ATG4B: variants seen among roughly 807,000 people sequenced by gnomAD.
The protein encoded by ATG4B is autophagy related 4B cysteine peptidase.
ATG4B carries 29 observed loss-of-function variants against 56.6 expected under a neutral mutation model. The observed-to-expected ratio is 0.51, with a 90% CI of 0.38 to 0.70. The LOEUF (loss-of-function observed/expected upper bound fraction) is 0.70. ATG4B is among the 30% of genes least tolerant of loss of function. The pLI is 0.00. For missense variants in ATG4B, 461 were observed against 515.5 expected, an observed-to-expected ratio of 0.89 and a Z score of 1.02; for synonymous variants, 224 against 206.1, an observed-to-expected ratio of 1.09 and a Z score of -0.74.
intron 1 of ATG4B, 73 bp downstream of exon 1, chr2:241,637,797 G>A (rs2067715916): frequency 1.4e-6 from 2 of 1,467,726 alleles, no homozygotes; most frequent in Non-Finnish European, 1.8e-6. Context: ...TGCTCGGGTC[G>A]GGCTGCCGCG....
intron 6 of ATG4B, among the ~76,000 whole-genome samples, chr2:241,656,754 G>C (rs756497764): frequency 1.8e-4 from 28 of 151,790 alleles, no homozygotes; most frequent in Non-Finnish European, 3.5e-4. Flanking sequence ...AGCCCGTGCT[G>C]GCCCCAGCCT....
chr2:241,647,975 A>G (rs1256196021), intron 1 of ATG4B, among the ~76,000 whole-genome samples: 1 of 152,086 alleles, frequency 6.6e-6, no homozygotes, highest in Non-Finnish European at 1.5e-5. Context: ...TTAGCCGGGC[A>G]TGGTGGCAGA....
At chr2:241,658,263 A>G (rs905064455) in intron 6 of ATG4B, among the ~76,000 whole-genome samples, 1 of 146,596 alleles carries the variant, frequency 6.8e-6, no homozygotes, top group African/African-American at 2.6e-5. Flanking sequence ...CTGTCCTCCC[A>G]TCTTCAGCAC....
At chr2:241,654,213 G>A (rs1157188715) in intron 4 of ATG4B, among the ~76,000 whole-genome samples, 1 of 151,902 alleles carries the variant, frequency 6.6e-6, no homozygotes, top group Non-Finnish European at 1.5e-5. Context: ...ACGAGGTCAG[G>A]AGATCAAGAC....
intron 7 of ATG4B, among the ~76,000 whole-genome samples, chr2:241,662,451 A>G (rs2068618122): frequency 6.6e-6 from 1 of 152,232 alleles, no homozygotes; most frequent in Non-Finnish European, 1.5e-5. Context: ...AATGTGTTCA[A>G]AATATAAAGA....
rs571087011 is a variant in ATG4B at position 241,645,547 on chromosome 2, G to A, written c.11-5463G>A. On this transcript the variant is annotated intron_variant, in intron 1 of 12. Coordinates refer to ENST00000404914, the MANE Select transcript of ATG4B (RefSeq NM_013325.5). ...GTGGTTACTGCTCCCGTGCAGTTTA[G>A]AGCTTTTCCTGCACCTTGACTTGTC... 2.0e-5 allele frequency among the ~76,000 whole-genome samples: 3 copies of A among 152,314 alleles called. No individual in the cohort carries two copies. The South Asian group carries it at 6.2e-4, about 32-fold the overall frequency.
chr2:241,643,574 T>A (rs2067966770), intron 1 of ATG4B, among the ~76,000 whole-genome samples: 1 of 149,916 alleles, frequency 6.7e-6, no homozygotes, highest in Admixed American at 6.7e-5. Flanking sequence ...ATATATTTAT[T>A]TATGTATATA....
intron 1 of ATG4B, among the ~76,000 whole-genome samples, chr2:241,640,905 A>G (rs2067864740): frequency 6.6e-6 from 1 of 152,164 alleles, no homozygotes; most frequent in African/African-American, 2.4e-5. Flanking sequence ...ATGGCAGCTC[A>G]TAGTGAGGAC....
At chr2:241,655,513 A>G in intron 6 of ATG4B, 170 bp downstream of exon 6, 2 of 669,512 alleles carry the variant, frequency 3.0e-6, no homozygotes, top group Non-Finnish European at 2.5e-6. Flanking sequence ...GTGAATAGGA[A>G]TTTATGTTTT....
rs867949156 is a variant in ATG4B at position 241,668,008 on chromosome 2, G to A, written c.733-135G>A. On this transcript the variant is annotated intron_variant, in intron 8 of 12. Transcript: ENST00000404914. The surrounding 1 kb of genome is among the most constrained non-coding windows in gnomAD (Gnocchi z 4.2). ...TCTTTCCTGGACAGTAAGCTCTTTGGTACCATGTCCCCTCCTGTCCCCTCT... is the reference window on the plus strand; with the variant it reads ...TCTTTCCTGGACAGTAAGCTCTTTGATACCATGTCCCCTCCTGTCCCCTCT... 4.7e-5 allele frequency: 36 copies of A among 765,570 alleles called. No homozygotes were observed. The African/African-American group carries it at 4.7e-4, about 10-fold the overall frequency. 47.4% of individuals were successfully genotyped at this position (765,570 alleles called of 1,614,324 possible).
At chr2:241,648,248 A>G (rs1452611402) in intron 1 of ATG4B, among the ~76,000 whole-genome samples, 2 of 152,216 alleles carry the variant, frequency 1.3e-5, no homozygotes, top group Non-Finnish European at 2.9e-5. Flanking sequence ...ACAGTCACCA[A>G]GCAGTTTGGT....
intron 1 of ATG4B, among the ~76,000 whole-genome samples, chr2:241,643,624 A>G (rs1462416433): frequency 6.7e-6 from 1 of 149,608 alleles, no homozygotes; most frequent in Non-Finnish European, 1.5e-5. Context: ...GTATATATAC[A>G]CATAAATATA....
chr2:241,655,416 CTT>C, intron 6 of ATG4B, 73 bp downstream of exon 6: 2 of 1,445,414 alleles, frequency 1.4e-6, no homozygotes, highest in Non-Finnish European at 1.9e-6. Flanking sequence ...CTCCTTGAGT[CTT>C]CATGGCTACA....
chr2:241,666,584 T>C, intron 7 of ATG4B, 61 bp from the exon 8 acceptor site: 1 of 1,552,028 alleles, frequency 6.4e-7, no homozygotes. Flanking sequence ...TTTGCTTGCT[T>C]GTTGTGGGAG....
Position 241,672,461 on chromosome 2 carries a change from A to G in ATG4B, c.*197A>G. On this transcript the variant is annotated 3_prime_UTR_variant, in exon 13 of 13. Coordinates refer to ENST00000404914, the MANE Select transcript of ATG4B (RefSeq NM_013325.5). ...CTTGGTGTCAGACTGCCCAGCTCAG[A>G]GTGCCCGTCAGGGCCTGTGCATCCG... 6 of 603,266 alleles carry G rather than the reference A, an allele frequency of 9.9e-6. No individual in the cohort carries two copies. In the South Asian group the frequency reaches 1.2e-4, roughly 12 times the overall value. The allele number at this position is 603,266 out of a possible 1,614,324, so 37.4% of individuals were successfully genotyped here. A position where few individuals can be genotyped will look rare whatever the true frequency, so the allele number is the denominator to read the frequency against.
intron 1 of ATG4B, among the ~76,000 whole-genome samples, chr2:241,639,416 C>T (rs2067814858): frequency 6.6e-6 from 1 of 152,248 alleles, no homozygotes; most frequent in Non-Finnish European, 1.5e-5. Flanking sequence ...GTCCCCGCTG[C>T]TTCCCTTTGC....
At chr2:241,641,258 CAGAT>C (rs754966605) in intron 1 of ATG4B, among the ~76,000 whole-genome samples, 3 of 152,132 alleles carry the variant, frequency 2.0e-5, no homozygotes, top group Admixed American at 6.6e-5. Context: ...CTAAGCAACT[CAGAT>C]GGAGGGGGGC....
In ATG4B at chr2:241,646,781, C is replaced by CT. The variant is rs35123109; in HGVS notation, c.11-4210dup. Among the ~76,000 whole-genome samples, 699 of 122,802 alleles carry CT rather than the reference C, an allele frequency of 5.7e-3. 5 individuals are homozygous for CT. The highest frequency in any genetic ancestry group is 0.014 in the African/African-American group (440 of 30,978). 80.6% of individuals were successfully genotyped at this position (122,802 alleles called of 152,430 possible). On this transcript the variant is annotated intron_variant, in intron 1 of 12. Transcript: ENST00000404914. ...TTAGGTAGATTACGTGTATTCAATG[C>CT]TTTTTTTTTTTTTTTTTTTGAGACA... is the stretch of plus-strand genomic sequence containing the variant.
At position 241,668,750 on chromosome 2, in the gene ATG4B, A is replaced by G; in HGVS notation, c.957+65A>G. 6.6e-7 allele frequency: 1 copy of G among 1,511,908 alleles called. No individual in the cohort carries two copies. The highest frequency in any genetic ancestry group is 1.4e-5 in the African/African-American group (1 of 70,534). The allele number at this position is 1,511,908 out of a possible 1,614,324, so 93.7% of individuals were successfully genotyped here. ...GAATGCTGTTTGGGAATGACGAGGAAAACTTTCGGATTTTTGCGTTTTTTT... is the reference window on the plus strand; with the variant it reads ...GAATGCTGTTTGGGAATGACGAGGAGAACTTTCGGATTTTTGCGTTTTTTT... On this transcript the variant is annotated intron_variant, in intron 10 of 12. Coordinates refer to ENST00000404914, the MANE Select transcript of ATG4B (RefSeq NM_013325.5). The surrounding 1 kb of genome is among the most constrained non-coding windows in gnomAD (Gnocchi z 4.2).
Sources: gnomAD v4.1 joint callset for allele counts (sites outside exome capture counted in the v4.1 genomes callset) on GRCh38, gnomAD v4.1.1 for gene constraint, Gnocchi (gnomAD v3.1) non-coding constraint, MANE v1.5 for transcripts, NCBI Gene and HGNC (gene_info 2026-07-23, HGNC 2026-07-21) for gene names.